Variants in NOXRED1 observed in about 807,000 individuals in gnomAD.
NOXRED1 encodes the protein NADP dependent oxidoreductase domain containing 1.
NOXRED1 carries 20 observed loss-of-function variants against 30.4 expected under a neutral mutation model. The ratio of observed to expected loss-of-function variants is 0.66; its 90% CI spans 0.46 to 0.96. The LOEUF (loss-of-function observed/expected upper bound fraction) is 0.96, where lower values mean the gene tolerates loss of function less well. Ranked by LOEUF, NOXRED1 falls within the 40% of genes least tolerant of loss-of-function variation. The pLI, the probability that NOXRED1 is intolerant of heterozygous loss-of-function variation, is 0.00. For missense variants in NOXRED1, 374 were observed against 428.0 expected (o/e 0.87, Z 1.11); for synonymous variants, 155 against 168.0 (o/e 0.92, Z 0.60).
At chr14:77,422,062 G>T (rs1357179274) in intron 1 of NOXRED1, among the ~76,000 whole-genome samples, 1 of 152,128 alleles carries the variant, frequency 6.6e-6, no homozygotes, top group East Asian at 1.9e-4. Context: ...TTCAAATTTG[G>T]TCCCACCATC....
chr14:77,416,889 C>A (rs536127194), intron 1 of NOXRED1, among the ~76,000 whole-genome samples: 6 of 152,330 alleles, frequency 3.9e-5, no homozygotes, highest in Admixed American at 6.5e-5. Flanking sequence ...GGGCTCCTCA[C>A]CTCCCAGTAG....
At chr14:77,416,731 C>T (rs1298265552) in intron 1 of NOXRED1, among the ~76,000 whole-genome samples, 1 of 152,098 alleles carries the variant, frequency 6.6e-6, no homozygotes, top group African/African-American at 2.4e-5. Context: ...ACCTCCCAGA[C>T]GGGGTGGTGG....
chr14:77,394,928 C>G (rs547553091), intron 5 of NOXRED1, 123 bp from the exon 6 acceptor site: 15 of 621,704 alleles, frequency 2.4e-5, no homozygotes, highest in African/African-American at 2.0e-4. Flanking sequence ...ACATTAATAC[C>G]TTTTCATAAA....
intron 2 of NOXRED1, among the ~76,000 whole-genome samples, chr14:77,411,708 C>T (rs1231184796): frequency 2.6e-5 from 4 of 152,046 alleles, no homozygotes; most frequent in African/African-American, 4.8e-5. Flanking sequence ...TGATGGGATA[C>T]GTTCATTACC....
intron 5 of NOXRED1, among the ~76,000 whole-genome samples, chr14:77,399,393 TGAGCA>T (rs1254777882): frequency 6.6e-6 from 1 of 152,158 alleles, no homozygotes; most frequent in Non-Finnish European, 1.5e-5. Flanking sequence ...GTAGCTGCAG[TGAGCA>T]GTGATCATGC....
intron 5 of NOXRED1, among the ~76,000 whole-genome samples, chr14:77,401,371 CA>C (rs199750683): frequency 4.7e-4 from 67 of 141,816 alleles, no homozygotes; most frequent in African/African-American, 1.0e-3. Context: ...GACTCCACCT[CA>C]AAAAAAAAAA....
At chr14:77,418,985 G>A (rs895339955) in intron 1 of NOXRED1, among the ~76,000 whole-genome samples, 2 of 151,496 alleles carry the variant, frequency 1.3e-5, no homozygotes, top group African/African-American at 4.8e-5. Context: ...TTCAACTTAA[G>A]GATTCCCTTC....
intron 1 of NOXRED1, among the ~76,000 whole-genome samples, 156 bp from the exon 2 acceptor site, chr14:77,414,283 G>A (rs771781554): frequency 2.0e-5 from 3 of 150,014 alleles, no homozygotes; most frequent in Non-Finnish European, 4.4e-5. Flanking sequence ...CCAGGTTCAC[G>A]CCATTCTCCT....
At chr14:77,411,303 T>A (rs1462735377) in intron 2 of NOXRED1, among the ~76,000 whole-genome samples, 1 of 151,788 alleles carries the variant, frequency 6.6e-6, no homozygotes, top group Non-Finnish European at 1.5e-5. Flanking sequence ...ACACCATCTC[T>A]ATTAAAAATA....
At chr14:77,411,485 A>T (rs1429722872) in intron 2 of NOXRED1, among the ~76,000 whole-genome samples, 1 of 138,324 alleles carries the variant, frequency 7.2e-6, no homozygotes. Flanking sequence ...AAAAAAAAAA[A>T]AAAAAACTTG....
chr14:77,394,391 TAA>T lies in NOXRED1; in HGVS notation c.*238_*239del. On this transcript the variant is annotated 3_prime_UTR_variant, in exon 6 of 6. Transcript: ENST00000380835. Reference sequence around the variant, plus strand: ...GACTTTTCTGCGGGAGCAGCTTACTTAAGTTAGGTTGTGTAGTTTCACTAGTT... The same window carrying T: ...GACTTTTCTGCGGGAGCAGCTTACTTGTTAGGTTGTGTAGTTTCACTAGTT... 2.9e-6 allele frequency: 1 copy of T among 343,320 alleles called. No individual in the cohort carries two copies. The highest frequency in any genetic ancestry group is 5.2e-6 in the Non-Finnish European group (1 of 191,664). 21.3% of individuals were successfully genotyped at this position (343,320 alleles called of 1,614,324 possible).
chr14:77,402,949 C>T (rs751048029), intron 5 of NOXRED1, among the ~76,000 whole-genome samples: 4 of 151,766 alleles, frequency 2.6e-5, no homozygotes, highest in Non-Finnish European at 2.9e-5. Context: ...GCAGGAGAAT[C>T]GCTTGAACCC....
chr14:77,422,675 A>AT, intron 1 of NOXRED1, 60 bp downstream of exon 1: 1 of 1,545,158 alleles, frequency 6.5e-7, no homozygotes, highest in Non-Finnish European at 8.9e-7. Context: ...AATTTAAGAC[A>AT]TTTGAATTCT....
chr14:77,401,427 G>A lies in NOXRED1; in HGVS notation c.905+4486C>T, dbSNP rs527495638. Among the ~76,000 whole-genome samples, 7 of 151,094 alleles carry A rather than the reference G, an allele frequency of 4.6e-5. No homozygotes were observed. The South Asian group carries it at 1.1e-3, about 23-fold the overall frequency. The stretch of plus-strand genomic sequence containing the variant: ...AGACTCAGAACAGGCTGGGTGTGAC[G>A]GCTCATGCCTGTAATTCCAGCACTT... On this transcript the variant is annotated intron_variant, in intron 5 of 5. Coordinates refer to ENST00000380835, the MANE Select transcript of NOXRED1 (RefSeq NM_001113475.3).
At position 77,397,227 on chromosome 14, in the gene NOXRED1, T is replaced by A. The variant is rs748063989; in HGVS notation, c.906-2422A>T. On this transcript the variant is annotated intron_variant, in intron 5 of 5. Transcript: ENST00000380835. ...ATATTATTCAGCAATAAAAGCCAAC[T>A]ATTAATACACATAACAACTTGGATG... is the stretch of plus-strand genomic sequence containing the variant. 2.0e-4 allele frequency among the ~76,000 whole-genome samples: 31 copies of A among 152,222 alleles called. 1 individual carries two copies. Among genetic ancestry groups the A allele is most frequent in the Admixed American group, 2.0e-4 (3 of 15,278 alleles).
At position 77,407,442 on chromosome 14, in the gene NOXRED1, C is replaced by T. The variant is rs747980091; in HGVS notation, c.530+23G>A. The stretch of plus-strand genomic sequence containing the variant: ...AGGAGACAGAGCAGTTGTGCCAGTT[C>T]CATTCTCACCCTAACAAGATACCTG... On this transcript the variant is annotated intron_variant, in intron 3 of 5. Transcript: ENST00000380835. The T allele has an allele frequency of 8.8e-6, 14 of 1,582,008 alleles. No individual in the cohort carries two copies. In the South Asian group the frequency reaches 1.6e-4, roughly 18 times the overall value.
chr14:77,409,122 C>T (rs1894571854), intron 2 of NOXRED1, among the ~76,000 whole-genome samples: 1 of 151,964 alleles, frequency 6.6e-6, no homozygotes, highest in Admixed American at 6.6e-5. Flanking sequence ...TGGAGAGTGA[C>T]TTCTTATGTT....
intron 1 of NOXRED1, among the ~76,000 whole-genome samples, chr14:77,420,493 CTGTAATT>C (rs930807754): frequency 2.3e-4 from 35 of 151,480 alleles, no homozygotes; most frequent in South Asian, 4.2e-4. Context: ...GATTACAGGC[CTGTAATT>C]TGTAATTTGT....
At chr14:77,412,825 C>T (rs550276306) in intron 2 of NOXRED1, among the ~76,000 whole-genome samples, 137 of 151,222 alleles carry the variant, frequency 9.1e-4, no homozygotes, top group African/African-American at 3.2e-3. Flanking sequence ...AAATGTTAAA[C>T]GATACGAGAA....
Sources: allele counts gnomAD v4.1 joint callset (sites outside exome capture counted in the v4.1 genomes callset), GRCh38; gene constraint gnomAD v4.1.1; transcripts MANE v1.5; gene names NCBI Gene and HGNC (gene_info 2026-07-23, HGNC 2026-07-21).